Variants in ZNF451 observed in about 807,000 individuals in gnomAD.
ZNF451 encodes zinc finger protein 451.
A neutral mutation model predicts 107.1 loss-of-function variants in ZNF451; 80 were observed. That is an observed-to-expected ratio of 0.75 (90% CI 0.62 to 0.90). The LOEUF (loss-of-function observed/expected upper bound fraction) is 0.90, where lower values mean the gene tolerates loss of function less well. Among genes scored for constraint, ZNF451 ranks in the 40% least tolerant of loss-of-function variants. ZNF451 has a pLI of 0.00. For missense variants in ZNF451, 1,107 were observed against 1,236.2 expected (o/e 0.90, Z 1.57); for synonymous variants, 362 against 406.5 (o/e 0.89, Z 1.32).
Position 57,134,866 on chromosome 6 carries a change from ATAAGG to A in ZNF451, c.702+1_702+5del. 1 of 1,605,790 alleles carries A rather than the reference ATAAGG, an allele frequency of 6.2e-7. No individual in the cohort carries two copies. Among genetic ancestry groups the A allele is most frequent in the Non-Finnish European group, 8.5e-7 (1 of 1,174,728 alleles). The stretch of plus-strand genomic sequence containing the variant: ...CAACAATATAGAGATCACCTTTTTG[ATAAGG>A]TAAGAGCATGTCCTAAATTAAAAGT... On this transcript the variant is annotated splice_donor_variant and coding_sequence_variant, in exon 7 of 15. Transcript: ENST00000370706. LOFTEE classifies it high-confidence loss of function.
chr6:57,100,584 G>T, intron 3 of ZNF451: 2 of 1,457,754 alleles, frequency 1.4e-6, no homozygotes, highest in South Asian at 1.4e-5. Context: ...TGGTTTTCTT[G>T]TTCATGTGGA....
At chr6:57,133,531 G>A (rs542922709) in intron 6 of ZNF451, among the ~76,000 whole-genome samples, 22 of 152,266 alleles carry the variant, frequency 1.4e-4, no homozygotes, top group African/African-American at 2.2e-4. Flanking sequence ...GACAAGGAGC[G>A]TGTACAGACA....
chr6:57,164,045 T>G lies in ZNF451; in HGVS notation c.3139+2893T>G, dbSNP rs570891827. On this transcript the variant is annotated intron_variant, in intron 14 of 14. Transcript: ENST00000370706. ...CAGGATAAATCTGCTTATGGCTTTT[T>G]GCCTTAGGGTAATTCCCTCCTTCCA... Among the ~76,000 whole-genome samples the G allele has an allele frequency of 5.9e-5, 9 of 152,360 alleles. 1 individual carries two copies. In the South Asian group the frequency reaches 1.9e-3, roughly 32 times the overall value.
intron 7 of ZNF451, among the ~76,000 whole-genome samples, chr6:57,138,704 CATATATATATATATATATATATATATAT>C: frequency 2.3e-5 from 1 of 43,778 alleles, no homozygotes; most frequent in Non-Finnish European, 3.8e-5. Context: ...GCAGCTATGC[CATATATATATATATATATATATATATAT>C]ATATATATAT....
At chr6:57,146,935 T>C (rs982463925) in intron 9 of ZNF451, among the ~76,000 whole-genome samples, 155 bp from the exon 10 acceptor site, 3 of 152,228 alleles carry the variant, frequency 2.0e-5, no homozygotes, top group African/African-American at 7.2e-5. Context: ...TTTGAGATGA[T>C]AGAACATCAT....
intron 3 of ZNF451, among the ~76,000 whole-genome samples, chr6:57,119,597 T>C (rs1830537388): frequency 6.6e-6 from 1 of 152,120 alleles, no homozygotes; most frequent in African/African-American, 2.4e-5. Flanking sequence ...AGAGCAGTTT[T>C]AGGTACACCA....
chr6:57,146,216 T>C (rs1024617111), intron 9 of ZNF451, among the ~76,000 whole-genome samples: 4 of 152,196 alleles, frequency 2.6e-5, no homozygotes, highest in Admixed American at 2.0e-4. Context: ...AGATATTTTC[T>C]CCCATTCTGT....
intron 9 of ZNF451, among the ~76,000 whole-genome samples, chr6:57,145,967 T>G (rs1237212242): frequency 6.6e-6 from 1 of 152,184 alleles, no homozygotes; most frequent in Non-Finnish European, 1.5e-5. Flanking sequence ...CATCAGTTGT[T>G]TTTTGACTTT....
rs1010497904 is a variant in ZNF451 at position 57,148,385 on chromosome 6, A to G, written c.2300A>G (p.Asp767Gly). 8.7e-6 allele frequency: 14 copies of G among 1,613,792 alleles called. No homozygotes were observed. Among genetic ancestry groups the G allele is most frequent in the Non-Finnish European group, 1.2e-5 (14 of 1,179,874 alleles). ...TCGGCAACAGCACAGAATTTAACCG[A>G]CATGAACACTCATATCCATCAAGTG... ...LCSATAQNLT[D>G]MNTHIHQVHK... is the part of the protein sequence containing the mutation. The change falls in exon 10 of 15, where the codon GAC (aspartate) becomes GGC (glycine). Residue 767 changes from aspartate to glycine, a missense_variant. By Grantham distance (94) the Asp-to-Gly change is moderately conservative (BLOSUM62 -1). Coordinates refer to ENST00000370706, the MANE Select transcript of ZNF451 (RefSeq NM_001031623.3).
At chr6:57,163,472 A>T (rs1449875296) in intron 14 of ZNF451, among the ~76,000 whole-genome samples, 1 of 15,474 alleles carries the variant, frequency 6.5e-5, no homozygotes, top group Non-Finnish European at 1.7e-4. Flanking sequence ...TTTTTTTGAG[A>T]CGGAGTCTCG....
intron 13 of ZNF451, among the ~76,000 whole-genome samples, chr6:57,160,215 G>C (rs984668071): frequency 2.6e-5 from 4 of 152,036 alleles, no homozygotes; most frequent in Non-Finnish European, 4.4e-5. Flanking sequence ...CATAATTCAC[G>C]GAACAATATT....
chr6:57,142,162 T>C, intron 9 of ZNF451, 67 bp downstream of exon 9: 1 of 1,458,188 alleles, frequency 6.9e-7, no homozygotes, highest in Admixed American at 2.1e-5. Flanking sequence ...ATTCAACAAA[T>C]ACATTTTCTT....
intron 3 of ZNF451, among the ~76,000 whole-genome samples, chr6:57,122,860 A>G (rs1180314351): frequency 1.3e-5 from 2 of 152,196 alleles, no homozygotes; most frequent in Non-Finnish European, 2.9e-5. Context: ...CTACCCAGCA[A>G]TCCCATTACT....
intron 6 of ZNF451, 72 bp downstream of exon 6, chr6:57,133,264 C>T (rs1346230575): frequency 2.7e-5 from 38 of 1,409,350 alleles, no homozygotes; most frequent in South Asian, 5.2e-5. Flanking sequence ...AAAATGAAAG[C>T]GTAATGCTCC....
In ZNF451 at chr6:57,128,690, G is replaced by A. The variant is rs531580661; in HGVS notation, c.313-39G>A. On this transcript the variant is annotated intron_variant, in intron 4 of 14. Transcript: ENST00000370706. Reference sequence around the variant, plus strand: ...AAAATCCTTTTCTCAAGGAAAACAGGGTAGTAATCTTAATTGAGTTTTTTC... The same window carrying A: ...AAAATCCTTTTCTCAAGGAAAACAGAGTAGTAATCTTAATTGAGTTTTTTC... 4 of 1,385,722 alleles carry A rather than the reference G, an allele frequency of 2.9e-6. No homozygotes were observed. The African/African-American group carries it at 5.7e-5, about 20-fold the overall frequency. 85.8% of individuals were successfully genotyped at this position (1,385,722 alleles called of 1,614,324 possible).
chr6:57,121,694 G>A (rs775108805), intron 3 of ZNF451, among the ~76,000 whole-genome samples: 9 of 152,022 alleles, frequency 5.9e-5, no homozygotes, highest in Non-Finnish European at 5.9e-5. Flanking sequence ...AGATCTCTAC[G>A]AGGAAAACTA....
At chr6:57,095,927 G>A (rs921682438) in intron 2 of ZNF451, among the ~76,000 whole-genome samples, 5 of 151,318 alleles carry the variant, frequency 3.3e-5, no homozygotes, top group Admixed American at 2.0e-4. Flanking sequence ...GGGCTAAAGC[G>A]ATTCTTGTTC....
At chr6:57,091,770 T>C (rs1250232146) in intron 2 of ZNF451, among the ~76,000 whole-genome samples, 3 of 152,216 alleles carry the variant, frequency 2.0e-5, no homozygotes, top group African/African-American at 7.2e-5. Flanking sequence ...ATTCAAGCTG[T>C]AGAATTTTTC....
chr6:57,107,073 G>A (rs1377112281), intron 3 of ZNF451: 1 of 984,152 alleles, frequency 1.0e-6, no homozygotes, highest in East Asian at 1.1e-4. Flanking sequence ...AACTTTACTA[G>A]TGTTTGGTAC....
Sources: allele counts gnomAD v4.1 joint callset (sites outside exome capture counted in the v4.1 genomes callset), GRCh38; gene constraint gnomAD v4.1.1; transcripts MANE v1.5; gene names NCBI Gene and HGNC (gene_info 2026-07-23, HGNC 2026-07-21).